The following LDAH variants were observed in gnomAD, a reference collection of about 807,000 sequenced individuals.
LDAH encodes the protein lipid droplet-associated hydrolase.
LDAH carries 26 observed loss-of-function variants against 29.6 expected under a neutral mutation model. The ratio of observed to expected loss-of-function variants is 0.88; its 90% CI spans 0.64 to 1.22. The LOEUF (loss-of-function observed/expected upper bound fraction) is 1.22. Ranked by LOEUF, LDAH falls within the 50% of genes most tolerant of loss-of-function variation. The pLI is 0.00. For missense variants in LDAH, 344 were observed against 387.3 expected (o/e 0.89, Z 0.94); for synonymous variants, 117 against 133.0 (o/e 0.88, Z 0.83).
At chr2:20,749,871 T>A (rs1415251639) in intron 4 of LDAH, among the ~76,000 whole-genome samples, 1 of 152,152 alleles carries the variant, frequency 6.6e-6, no homozygotes, top group Non-Finnish European at 1.5e-5. Flanking sequence ...TATTTCTTCC[T>A]CACAGGTCTC....
chr2:20,694,661 C>T (rs1663297180), intron 6 of LDAH, among the ~76,000 whole-genome samples: 1 of 152,168 alleles, frequency 6.6e-6, no homozygotes, highest in South Asian at 2.1e-4. Flanking sequence ...CAAATGCTTC[C>T]CGCCCGTGAA....
chr2:20,691,878 G>C (rs191056828), intron 6 of LDAH, among the ~76,000 whole-genome samples: 1 of 152,288 alleles, frequency 6.6e-6, no homozygotes, highest in Admixed American at 6.5e-5. Flanking sequence ...TGGTTACTAT[G>C]GTCTCTGGGC....
intron 1 of LDAH, among the ~76,000 whole-genome samples, chr2:20,810,420 T>A (rs1209995679): frequency 2.0e-5 from 3 of 152,216 alleles, no homozygotes; most frequent in Admixed American, 6.5e-5. Context: ...ATCACTTCCA[T>A]GTTAGACAGA....
intron 5 of LDAH, among the ~76,000 whole-genome samples, chr2:20,716,930 C>A (rs554776384): frequency 9.7e-4 from 145 of 150,254 alleles, no homozygotes; most frequent in African/African-American, 3.3e-3. Context: ...TACCTACATA[C>A]TGTGAGTTAA....
At chr2:20,804,113 G>A (rs985923761) in intron 1 of LDAH, among the ~76,000 whole-genome samples, 2 of 152,172 alleles carry the variant, frequency 1.3e-5, no homozygotes, top group Non-Finnish European at 2.9e-5. Flanking sequence ...AAGGCACACA[G>A]CTAAGCTTCA....
At chr2:20,789,253 T>A (rs555087266) in intron 3 of LDAH, 296 of 1,550,412 alleles carry the variant, frequency 1.9e-4, no homozygotes, top group Non-Finnish European at 2.2e-4. Flanking sequence ...GTAATTAGGA[T>A]CAGATGGGGT....
chr2:20,695,070 T>A (rs143301601), intron 6 of LDAH, among the ~76,000 whole-genome samples: 350 of 152,368 alleles, frequency 2.3e-3, no homozygotes, highest in Middle Eastern at 0.01. Context: ...ATGGTTTTAC[T>A]CAACTAACTG....
rs374996756 is a variant in LDAH, at chr2:20,729,794, G to A, written c.703+10177C>T. Among the ~76,000 whole-genome samples, 163 of 152,240 alleles carry A rather than the reference G, an allele frequency of 1.1e-3. 2 individuals carry two copies. The highest frequency in any genetic ancestry group is 3.7e-3 in the African/African-American group (155 of 41,554). On this transcript the variant is annotated intron_variant, in intron 5 of 6. Transcript: ENST00000237822. ...CAGTATAATGTTACAGCCAGGATAT[G>A]TATGTATGTATTTTTTAAAGAGACA...
chr2:20,771,413 TATAAAAC>T (rs1286501367), intron 4 of LDAH, among the ~76,000 whole-genome samples: 1 of 152,248 alleles, frequency 6.6e-6, no homozygotes, highest in Non-Finnish European at 1.5e-5. Flanking sequence ...CTTCATATGT[TATAAAAC>T]ATAATAGCTA....
chr2:20,763,072 G>A (rs1247212229), intron 4 of LDAH, among the ~76,000 whole-genome samples: 1 of 152,178 alleles, frequency 6.6e-6, no homozygotes, highest in Non-Finnish European at 1.5e-5. Context: ...TCCCATTTCA[G>A]TTTTGACCCT....
At chr2:20,816,905 A>T (rs642152) in intron 1 of LDAH, among the ~76,000 whole-genome samples, 10,905 of 152,114 alleles carry the variant, frequency 0.072, 1,298 homozygotes, top group African/African-American at 0.25. Flanking sequence ...AATCAACAAC[A>T]GAAAAACAAC....
chr2:20,820,429 G>A (rs1478619566), intron 1 of LDAH, among the ~76,000 whole-genome samples: 1 of 152,112 alleles, frequency 6.6e-6, no homozygotes, highest in African/African-American at 2.4e-5. Flanking sequence ...ATAGATCAAT[G>A]GAACAGAACA....
At chr2:20,690,732 A>C (rs545572963) in intron 6 of LDAH, among the ~76,000 whole-genome samples, 9 of 152,226 alleles carry the variant, frequency 5.9e-5, no homozygotes, top group Admixed American at 1.3e-4. Flanking sequence ...AAGAAAGAGA[A>C]ACAACTGGAC....
chr2:20,780,088 T>C (rs1572614992), intron 3 of LDAH, among the ~76,000 whole-genome samples: 1 of 152,310 alleles, frequency 6.6e-6, no homozygotes, highest in East Asian at 1.9e-4. Flanking sequence ...CTAAGTATTC[T>C]GTAAGCTCCC....
chr2:20,782,334 T>C (rs1670250990), intron 3 of LDAH, among the ~76,000 whole-genome samples: 1 of 152,224 alleles, frequency 6.6e-6, no homozygotes, highest in Non-Finnish European at 1.5e-5. Flanking sequence ...TTGCCATTCA[T>C]GTTCTCTTCA....
chr2:20,764,309 ATCTT>A (rs1382079059), intron 4 of LDAH, among the ~76,000 whole-genome samples: 1 of 152,256 alleles, frequency 6.6e-6, no homozygotes, highest in Non-Finnish European at 1.5e-5. Flanking sequence ...GAAATGGAAA[ATCTT>A]TCAGAAATCA....
chr2:20,767,324 G>A (rs113974268), intron 4 of LDAH, among the ~76,000 whole-genome samples: 97 of 150,730 alleles, frequency 6.4e-4, no homozygotes, highest in African/African-American at 2.3e-3. Flanking sequence ...GCTTGGAGAG[G>A]CCTGCTCCAC....
rs367589132 is a variant in LDAH, at chr2:20,810,539, T to C, written c.-2-9074A>G. Among the ~76,000 whole-genome samples the C allele has an allele frequency of 3.3e-5, 5 of 152,306 alleles. No homozygotes were observed. The East Asian group carries it at 7.7e-4, about 23-fold the overall frequency. On this transcript the variant is annotated intron_variant, in intron 1 of 6. Transcript: ENST00000237822. The stretch of plus-strand genomic sequence containing the variant: ...TCAAAGTCATATTGTAAAAAGAACA[T>C]GTGGTATGGGAGTTACTATTGTGGC...
intron 4 of LDAH, among the ~76,000 whole-genome samples, chr2:20,762,964 A>T (rs1036164696): frequency 3.9e-5 from 6 of 152,212 alleles, no homozygotes; most frequent in Admixed American, 1.3e-4. Context: ...TCAGATTGAG[A>T]ACTTACACAC....
Sources: allele counts gnomAD v4.1 joint callset (sites outside exome capture counted in the v4.1 genomes callset), GRCh38; gene constraint gnomAD v4.1.1; transcripts MANE v1.5; gene names NCBI Gene and HGNC (gene_info 2026-07-23, HGNC 2026-07-21).